Variants in ALK observed in about 807,000 individuals in gnomAD.
ALK encodes ALK receptor tyrosine kinase.
ALK carries 74 observed loss-of-function variants against 163.1 expected under a neutral mutation model. The observed-to-expected ratio is 0.45, with a 90% CI of 0.38 to 0.55. The LOEUF (loss-of-function observed/expected upper bound fraction) is 0.55. ALK is among the 20% of genes least tolerant of loss of function. ALK has a pLI of 0.00. For synonymous variants in ALK, 960 were observed against 843.2 expected, an observed-to-expected ratio of 1.14 and a Z score of -2.40; for missense variants, 2,063 against 2,105.3, an observed-to-expected ratio of 0.98 and a Z score of 0.39.
chr2:29,839,644 C>T (rs1339237907), intron 1 of ALK, among the ~76,000 whole-genome samples: 1 of 152,106 alleles, frequency 6.6e-6, no homozygotes, highest in Non-Finnish European at 1.5e-5. Flanking sequence ...TTGCTTCCCT[C>T]CTTTGTTTGT....
intron 1 of ALK, among the ~76,000 whole-genome samples, chr2:29,856,091 T>C (rs4581855): frequency 0.72 from 109,443 of 151,992 alleles, 39,941 homozygotes; most frequent in Non-Finnish European, 0.78. Context: ...GCCTGATTAA[T>C]GTATTGAGGT....
rs561920120 is a variant in ALK at position 29,893,313 on chromosome 2, T to A, written c.667+26680A>T. On this transcript the variant is annotated intron_variant, in intron 1 of 28. Transcript: ENST00000389048. ...TAAAGATAAGCCCATCTGCTTCTGA[T>A]GAGTGACCCTGCTCCTTTTTCTCAT... 2.6e-5 allele frequency among the ~76,000 whole-genome samples: 4 copies of A among 152,322 alleles called. No individual in the cohort carries two copies. In the East Asian group the frequency reaches 7.7e-4, roughly 29 times the overall value.
At chr2:29,845,437 G>A (rs903215571) in intron 1 of ALK, among the ~76,000 whole-genome samples, 4 of 30,680 alleles carry the variant, frequency 1.3e-4, no homozygotes, top group African/African-American at 1.8e-4. Flanking sequence ...AACCTTTAAC[G>A]ACATTTTTTT....
intron 4 of ALK, among the ~76,000 whole-genome samples, chr2:29,496,356 A>T (rs1672023072): frequency 6.6e-6 from 1 of 152,212 alleles, no homozygotes; most frequent in Admixed American, 6.5e-5. Flanking sequence ...GGCTCGTGGA[A>T]CTAATACAGA....
chr2:29,542,818 C>T (rs182720937), intron 3 of ALK, among the ~76,000 whole-genome samples: 148 of 152,212 alleles, frequency 9.7e-4, no homozygotes, highest in African/African-American at 3.5e-3. Flanking sequence ...AAAATTTATC[C>T]GTGGCATTTG....
At chr2:29,719,014 C>T (rs1038019417) in intron 1 of ALK, among the ~76,000 whole-genome samples, 1 of 152,178 alleles carries the variant, frequency 6.6e-6, no homozygotes, top group Non-Finnish European at 1.5e-5. Flanking sequence ...TTAGGATAAA[C>T]CCCACTTCAC....
At chr2:29,473,201 G>C (rs1464402866) in intron 4 of ALK, among the ~76,000 whole-genome samples, 1 of 152,146 alleles carries the variant, frequency 6.6e-6, no homozygotes, top group Non-Finnish European at 1.5e-5. Flanking sequence ...TGAAGTCCAG[G>C]AACAAACCTA....
chr2:29,342,905 T>C (rs1436642029), intron 5 of ALK, among the ~76,000 whole-genome samples: 22 of 131,018 alleles, frequency 1.7e-4, no homozygotes, highest in Non-Finnish European at 1.4e-4. Flanking sequence ...TTTTTTGATA[T>C]GGAGTCTCGC....
rs7581939 is a variant in ALK at position 29,250,893 on chromosome 2, T to C, written c.2204+212A>G. ...CACCTCCACGAACAGCCTGTGAGTT[T>C]CTTGAGGACAAAGGACACATCTTCT... is the stretch of plus-strand genomic sequence containing the variant. On this transcript the variant is annotated intron_variant, in intron 12 of 28. Transcript: ENST00000389048. Among the ~76,000 whole-genome samples, 7,554 of 152,304 alleles carry C rather than the reference T, an allele frequency of 0.05. 589 individuals are homozygous for C. The highest frequency in any genetic ancestry group is 0.17 in the African/African-American group (6,928 of 41,534).
At chr2:29,851,566 G>A (rs1438515684) in intron 1 of ALK, among the ~76,000 whole-genome samples, 3 of 152,192 alleles carry the variant, frequency 2.0e-5, no homozygotes, top group Non-Finnish European at 4.4e-5. Flanking sequence ...GTAGGAATCA[G>A]GCACTCCTGG....
chr2:29,884,940 T>C (rs772416570), intron 1 of ALK, among the ~76,000 whole-genome samples: 34 of 152,144 alleles, frequency 2.2e-4, no homozygotes, highest in Non-Finnish European at 4.1e-4. Context: ...AGCACCATGA[T>C]TCAAGGGAGG....
At chr2:29,303,655 G>A (rs144578179) in intron 8 of ALK, among the ~76,000 whole-genome samples, 34 of 152,232 alleles carry the variant, frequency 2.2e-4, no homozygotes, top group African/African-American at 6.7e-4. Flanking sequence ...ATGGTGCATC[G>A]GATAAAGAAA....
chr2:29,639,622 T>C (rs1454703865), intron 3 of ALK, among the ~76,000 whole-genome samples: 1 of 152,184 alleles, frequency 6.6e-6, no homozygotes, highest in Non-Finnish European at 1.5e-5. Flanking sequence ...GTGTGCGAGC[T>C]ATAGGCTTCT....
At chr2:29,863,940 A>G (rs1666359698) in intron 1 of ALK, among the ~76,000 whole-genome samples, 1 of 152,094 alleles carries the variant, frequency 6.6e-6, no homozygotes, top group Admixed American at 6.6e-5. Context: ...CCCTCAAGAC[A>G]TTTCTCCCAA....
chr2:29,805,271 G>A (rs892899250), intron 1 of ALK, among the ~76,000 whole-genome samples: 3 of 152,172 alleles, frequency 2.0e-5, no homozygotes, highest in South Asian at 2.1e-4. Context: ...AAATAGGCTC[G>A]AGCTCCTGGG....
At chr2:29,914,186 C>T (rs756845914) in intron 1 of ALK, among the ~76,000 whole-genome samples, 3 of 152,126 alleles carry the variant, frequency 2.0e-5, no homozygotes, top group Non-Finnish European at 4.4e-5. Context: ...AAGTAAATAC[C>T]ACACTTCAAT....
intron 1 of ALK, among the ~76,000 whole-genome samples, chr2:29,827,788 A>C (rs972257703): frequency 6.6e-6 from 1 of 152,234 alleles, no homozygotes; most frequent in African/African-American, 2.4e-5. Flanking sequence ...GCTACCAATG[A>C]CTTTCTTCAA....
intron 5 of ALK, among the ~76,000 whole-genome samples, chr2:29,345,414 T>TTAAA (rs373752148): frequency 0.011 from 1,647 of 147,538 alleles, 14 homozygotes; most frequent in East Asian, 0.012. Context: ...CTGTCTTAAT[T>TTAAA]TAAATAAATA....
intron 2 of ALK, among the ~76,000 whole-genome samples, chr2:29,695,444 T>G (rs1288919774): frequency 6.6e-6 from 1 of 152,080 alleles, no homozygotes; most frequent in African/African-American, 2.4e-5. Context: ...GACCCTTAAT[T>G]CCCTCACCTG....
Sources: allele counts gnomAD v4.1 joint callset (sites outside exome capture counted in the v4.1 genomes callset), GRCh38; gene constraint gnomAD v4.1.1; transcripts MANE v1.5; gene names NCBI Gene and HGNC (gene_info 2026-07-23, HGNC 2026-07-21).